The following MAGI2 variants were observed in gnomAD, a reference collection of about 807,000 sequenced individuals.
MAGI2 encodes the protein membrane associated guanylate kinase, WW and PDZ domain containing 2, also known as membrane-associated guanylate kinase, WW and PDZ domain-containing protein 2.
A neutral mutation model predicts 133.3 loss-of-function variants in MAGI2; 35 were observed. That is an observed-to-expected ratio of 0.26 (90% CI 0.20 to 0.35). The LOEUF is 0.35. Ranked by LOEUF, MAGI2 falls within the 10% of genes least tolerant of loss-of-function variation. The pLI, the probability that MAGI2 is intolerant of heterozygous loss-of-function variation, is 1.00. For synonymous variants in MAGI2, 729 were observed against 710.6 expected, an observed-to-expected ratio of 1.03 and a Z score of -0.41; for missense variants, 1,636 against 1,863.4, an observed-to-expected ratio of 0.88 and a Z score of 2.25.
chr7:78,227,103 T>C (rs1789466681), intron 10 of MAGI2, among the ~76,000 whole-genome samples: 1 of 152,242 alleles, frequency 6.6e-6, no homozygotes, highest in Non-Finnish European at 1.5e-5. Flanking sequence ...TTGGTGTTTC[T>C]ATTCTTTTCT....
chr7:79,448,282 ATATT>A (rs1849000227), intron 1 of MAGI2, among the ~76,000 whole-genome samples: 1 of 152,080 alleles, frequency 6.6e-6, no homozygotes, highest in African/African-American at 2.4e-5. Context: ...TTCAAATAAA[ATATT>A]TATTTCATTC....
chr7:79,060,363 A>G (rs536589152), intron 1 of MAGI2, among the ~76,000 whole-genome samples: 2 of 152,214 alleles, frequency 1.3e-5, no homozygotes, highest in South Asian at 2.1e-4. Context: ...TTTTTAAAAA[A>G]AAACTTGGTG....
At chr7:78,528,260 C>T (rs918966531) in intron 3 of MAGI2, among the ~76,000 whole-genome samples, 10 of 152,072 alleles carry the variant, frequency 6.6e-5, no homozygotes, top group African/African-American at 1.9e-4. Flanking sequence ...TTGACTCTGA[C>T]GTTAAACAGA....
chr7:78,255,111 C>G (rs965172981), intron 10 of MAGI2: 2 of 152,346 alleles, frequency 1.3e-5, no homozygotes, highest in Admixed American at 6.5e-5. Context: ...CCTCCCTTCT[C>G]TCTCTAGGTT....
rs375395135 is a variant in MAGI2, at chr7:78,843,630, T to G, written c.418+163460A>C. 1.2e-4 allele frequency among the ~76,000 whole-genome samples: 19 copies of G among 152,002 alleles called. No homozygotes were observed. The East Asian group carries it at 3.7e-3, about 29-fold the overall frequency. ...GGAAAATGCTATATGCAATTTTGTG[T>G]TTATAGGTTGTAGTCTTCTATTAGA... On this transcript the variant is annotated intron_variant, in intron 2 of 21. Coordinates refer to ENST00000354212, the MANE Select transcript of MAGI2 (RefSeq NM_012301.4).
intron 1 of MAGI2, among the ~76,000 whole-genome samples, chr7:79,041,803 T>C (rs971302598): frequency 6.6e-6 from 1 of 152,104 alleles, no homozygotes; most frequent in East Asian, 1.9e-4. Context: ...AATATGTGTA[T>C]ATATAACAAA....
chr7:78,463,534 G>A (rs981552579), intron 6 of MAGI2, among the ~76,000 whole-genome samples: 1 of 152,174 alleles, frequency 6.6e-6, no homozygotes, highest in Non-Finnish European at 1.5e-5. Context: ...ATAAAAATAT[G>A]TATTAATTGT....
At chr7:79,071,698 G>A (rs775125277) in intron 1 of MAGI2, among the ~76,000 whole-genome samples, 24 of 151,716 alleles carry the variant, frequency 1.6e-4, no homozygotes, top group Non-Finnish European at 3.2e-4. Flanking sequence ...TGGCTGCCGC[G>A]GCCTTACGGA....
At chr7:79,280,598 G>A (rs1454167194) in intron 1 of MAGI2, among the ~76,000 whole-genome samples, 1 of 151,904 alleles carries the variant, frequency 6.6e-6, no homozygotes, top group Non-Finnish European at 1.5e-5. Flanking sequence ...ACAAACTGGT[G>A]GCAAAAGATG....
intron 20 of MAGI2, among the ~76,000 whole-genome samples, chr7:78,121,439 T>C (rs1041456609): frequency 5.9e-5 from 9 of 152,178 alleles, no homozygotes; most frequent in African/African-American, 1.7e-4. Context: ...GAAAGACATG[T>C]ACAGGCATTT....
At chr7:78,496,865 T>C (rs1794131040) in intron 5 of MAGI2, among the ~76,000 whole-genome samples, 1 of 152,040 alleles carries the variant, frequency 6.6e-6, no homozygotes, top group African/African-American at 2.4e-5. Flanking sequence ...ATTCTCAGGG[T>C]TTAGAATGAT....
chr7:78,169,362 A>G (rs1825905202), intron 14 of MAGI2, among the ~76,000 whole-genome samples: 1 of 149,126 alleles, frequency 6.7e-6, no homozygotes, highest in Admixed American at 6.7e-5. Flanking sequence ...GCTATGTTTC[A>G]TTTTAAATCC....
intron 3 of MAGI2, among the ~76,000 whole-genome samples, chr7:78,552,647 T>C (rs969472618): frequency 2.0e-5 from 3 of 152,088 alleles, no homozygotes; most frequent in Non-Finnish European, 4.4e-5. Flanking sequence ...GTACTGTAAA[T>C]TGCTTATTTT....
At chr7:78,047,738 A>G (rs985711228) in intron 21 of MAGI2, among the ~76,000 whole-genome samples, 6 of 152,132 alleles carry the variant, frequency 3.9e-5, no homozygotes, top group African/African-American at 1.4e-4. Context: ...GCCTCTGTGG[A>G]TGGCCTGGGC....
intron 1 of MAGI2, among the ~76,000 whole-genome samples, chr7:79,305,482 T>C (rs1275839590): frequency 6.6e-6 from 1 of 152,210 alleles, no homozygotes; most frequent in Non-Finnish European, 1.5e-5. Flanking sequence ...TTTCACAATG[T>C]TTATCTATTC....
intron 21 of MAGI2, among the ~76,000 whole-genome samples, chr7:78,061,811 C>T (rs1351761523): frequency 6.6e-6 from 1 of 152,122 alleles, no homozygotes; most frequent in Non-Finnish European, 1.5e-5. Flanking sequence ...AGAGAAAATC[C>T]AGCGAATACA....
At chr7:78,243,224 TACACACACAC>T (rs539437959) in intron 10 of MAGI2, among the ~76,000 whole-genome samples, 18 of 140,816 alleles carry the variant, frequency 1.3e-4, no homozygotes, top group East Asian at 6.4e-4. Flanking sequence ...ATGGTTCAGA[TACACACACAC>T]ACACACACAC....
intron 10 of MAGI2, among the ~76,000 whole-genome samples, chr7:78,206,086 T>C (rs908618162): frequency 6.6e-6 from 1 of 152,210 alleles, no homozygotes; most frequent in Non-Finnish European, 1.5e-5. Flanking sequence ...ACAGTAGATC[T>C]GAAGTGGAGA....
chr7:78,284,008 A>G (rs1381919527), intron 9 of MAGI2, among the ~76,000 whole-genome samples: 1 of 152,156 alleles, frequency 6.6e-6, no homozygotes, highest in African/African-American at 2.4e-5. Flanking sequence ...TGTTTAACAC[A>G]ACATTAAATA....
Sources: allele counts gnomAD v4.1 joint callset (sites outside exome capture counted in the v4.1 genomes callset), GRCh38; gene constraint gnomAD v4.1.1; transcripts MANE v1.5; gene names NCBI Gene and HGNC (gene_info 2026-07-23, HGNC 2026-07-21).